UGT1A8: variants seen among roughly 807,000 people sequenced by gnomAD.
UGT1A8 encodes the protein UDP-glucuronosyltransferase 1A8.
UGT1A8 carries 39 observed loss-of-function variants against 45.3 expected under a neutral mutation model. The observed-to-expected ratio is 0.86, with a 90% CI of 0.67 to 1.12. The LOEUF is 1.12. UGT1A8 is among the 50% of genes most tolerant of loss of function. The pLI, the probability that UGT1A8 is intolerant of heterozygous loss-of-function variation, is 0.00. For synonymous variants in UGT1A8, 275 were observed against 249.2 expected (o/e 1.10, Z -0.97); for missense variants, 719 against 664.9 (o/e 1.08, Z -0.90).
intron 1 of UGT1A8, among the ~76,000 whole-genome samples, chr2:233,765,617 G>T (rs988431612): frequency 1.3e-5 from 2 of 151,904 alleles, no homozygotes; most frequent in African/African-American, 4.8e-5. Flanking sequence ...GGGGTGAGGG[G>T]TGAGGGGAGG....
chr2:233,622,198 C>T (rs753794194), intron 1 of UGT1A8, among the ~76,000 whole-genome samples: 4 of 152,138 alleles, frequency 2.6e-5, no homozygotes, highest in Non-Finnish European at 2.9e-5. Flanking sequence ...CATACGTGTG[C>T]ATGTGTCTTT....
At chr2:233,619,966 G>A (rs2072970906) in intron 1 of UGT1A8, among the ~76,000 whole-genome samples, 1 of 152,154 alleles carries the variant, frequency 6.6e-6, no homozygotes, top group Non-Finnish European at 1.5e-5. Context: ...AAAAATACCA[G>A]AATAAGATTC....
At chr2:233,628,207 T>G (rs2073126228) in intron 1 of UGT1A8, among the ~76,000 whole-genome samples, 1 of 152,120 alleles carries the variant, frequency 6.6e-6, no homozygotes, top group Non-Finnish European at 1.5e-5. Flanking sequence ...TTTTTATTGA[T>G]TTGTGCATAT....
At chr2:233,632,739 G>T (rs1005073399) in intron 1 of UGT1A8, among the ~76,000 whole-genome samples, 1 of 152,132 alleles carries the variant, frequency 6.6e-6, no homozygotes, top group Non-Finnish European at 1.5e-5. Flanking sequence ...GGACTGAGAT[G>T]ATGGGGTTTT....
In UGT1A8 at chr2:233,636,851, T is replaced by C. The variant is rs1479139201; in HGVS notation, c.855+18289T>C. 1.2e-6 allele frequency: 2 copies of C among 1,614,126 alleles called. No homozygotes were observed. Among genetic ancestry groups the C allele is most frequent in the South Asian group, 1.1e-5 (1 of 91,092 alleles). On this transcript the variant is annotated intron_variant, in intron 1 of 4. Transcript: ENST00000373450. ...GCACAAAGTATATTTTCTCTATTAA[T>C]GAGTTCATCCAGTGGTTTTCTTGAC...
chr2:233,720,454 C>T (rs1295053597), intron 1 of UGT1A8, among the ~76,000 whole-genome samples: 1 of 152,034 alleles, frequency 6.6e-6, no homozygotes, highest in African/African-American at 2.4e-5. Flanking sequence ...CCCAGTGAAG[C>T]TGGGACCAGT....
chr2:233,642,870 G>GTCTC (rs1202277598), intron 1 of UGT1A8, among the ~76,000 whole-genome samples: 2 of 151,254 alleles, frequency 1.3e-5, no homozygotes, highest in African/African-American at 4.8e-5. Context: ...AAAATACAGA[G>GTCTC]TCTCTCTCTC....
chr2:233,681,099 C>T (rs940932647), intron 1 of UGT1A8, among the ~76,000 whole-genome samples: 2 of 151,602 alleles, frequency 1.3e-5, no homozygotes, highest in African/African-American at 2.4e-5. Flanking sequence ...CTCTGCAATG[C>T]GCAAGTGAGC....
intron 1 of UGT1A8, among the ~76,000 whole-genome samples, chr2:233,624,497 T>G (rs2073061607): frequency 6.6e-6 from 1 of 152,230 alleles, no homozygotes; most frequent in South Asian, 2.1e-4. Flanking sequence ...CCAATGCACT[T>G]CTTGTACCTT....
At chr2:233,690,077 A>T (rs2074974121) in intron 1 of UGT1A8, among the ~76,000 whole-genome samples, 1 of 152,214 alleles carries the variant, frequency 6.6e-6, no homozygotes, top group Non-Finnish European at 1.5e-5. Flanking sequence ...ACAGCCTATC[A>T]AATAGATTAA....
chr2:233,648,794 G>T, intron 1 of UGT1A8: 1 of 911,194 alleles, frequency 1.1e-6, no homozygotes. Flanking sequence ...GAGAGAGTAA[G>T]GAACCACATC....
chr2:233,687,479 A>G (rs528407502), intron 1 of UGT1A8, among the ~76,000 whole-genome samples: 6 of 150,260 alleles, frequency 4.0e-5, no homozygotes, highest in Admixed American at 2.0e-4. Context: ...TGGCAGACCT[A>G]TTTTTCAGAT....
intron 1 of UGT1A8, among the ~76,000 whole-genome samples, chr2:233,764,685 G>C (rs1320206547): frequency 6.6e-6 from 1 of 152,148 alleles, no homozygotes; most frequent in Non-Finnish European, 1.5e-5. Context: ...AGAACTTGAA[G>C]AGCACTTGGA....
At chr2:233,673,812 T>C (rs1156666728) in intron 1 of UGT1A8, among the ~76,000 whole-genome samples, 2 of 152,096 alleles carry the variant, frequency 1.3e-5, no homozygotes, top group Non-Finnish European at 2.9e-5. Flanking sequence ...TACTAACTTA[T>C]CTTATTATTT....
At position 233,618,048 on chromosome 2, in the gene UGT1A8, A is replaced by G. The variant is rs145367192; in HGVS notation, c.341A>G (p.Asn114Ser). The G allele has an allele frequency of 4.6e-5, 74 of 1,613,926 alleles. No homozygotes were observed. The African/African-American group carries it at 7.9e-4, about 17-fold the overall frequency. ...TTTTCTCTATTTCTGAGTTCATCCA[A>G]TGGTTTTTTTAACTTATTTTTTTCG... is the stretch of plus-strand genomic sequence containing the variant. ...SLFSLFLSSS[N>S]GFFNLFFSHC... Residue 114 changes from asparagine to serine, a missense_variant, in exon 1 of 5, where the codon AAT becomes AGT. Transcript: ENST00000373450.
intron 1 of UGT1A8, chr2:233,682,632 C>T: frequency 6.2e-7 from 1 of 1,613,934 alleles, no homozygotes; most frequent in South Asian, 1.1e-5. Context: ...GAAATAGCCT[C>T]TGAAATTCTC....
chr2:233,693,016 C>T (rs769422699), intron 1 of UGT1A8: 76 of 1,613,998 alleles, frequency 4.7e-5, no homozygotes, highest in Non-Finnish European at 5.9e-5. Flanking sequence ...TGGCCTGCCT[C>T]CTTCGCTCAT....
chr2:233,633,489 C>T (rs1009268424), intron 1 of UGT1A8, among the ~76,000 whole-genome samples: 8 of 152,118 alleles, frequency 5.3e-5, no homozygotes, highest in Non-Finnish European at 8.8e-5. Flanking sequence ...ATTTCAAAAC[C>T]TGTTATTGGT....
At chr2:233,688,354 A>G (rs1005613406) in intron 1 of UGT1A8, among the ~76,000 whole-genome samples, 2 of 152,210 alleles carry the variant, frequency 1.3e-5, no homozygotes, top group Non-Finnish European at 2.9e-5. Context: ...GCCATGAAAA[A>G]TAATGTTGTT....
Sources: allele counts gnomAD v4.1 joint callset (sites outside exome capture counted in the v4.1 genomes callset), GRCh38; gene constraint gnomAD v4.1.1; transcripts MANE v1.5; gene names NCBI Gene and HGNC (gene_info 2026-07-23, HGNC 2026-07-21).